The following TNNI3K variants were observed in gnomAD, a reference collection of about 807,000 sequenced individuals.
TNNI3K encodes serine/threonine-protein kinase TNNI3K.
In TNNI3K, 140 loss-of-function variants were observed where a neutral mutation model predicts 114.5. The observed-to-expected ratio is 1.22, with a 90% confidence interval of 1.07 to 1.41. The LOEUF is 1.41. Among genes scored for constraint, TNNI3K ranks in the 40% most tolerant of loss-of-function variants. TNNI3K has a pLI of 0.00. For missense variants in TNNI3K, 1,125 were observed against 1,007.6 expected, an observed-to-expected ratio of 1.12 and a Z score of -1.58; for synonymous variants, 347 against 347.5, an observed-to-expected ratio of 1.00 and a Z score of 0.02.
At chr1:74,501,950 A>G (rs1669656025) in intron 23 of TNNI3K, among the ~76,000 whole-genome samples, 1 of 152,040 alleles carries the variant, frequency 6.6e-6, no homozygotes, top group African/African-American at 2.4e-5. Flanking sequence ...TATCCTCTGC[A>G]TATCTTTATG....
At chr1:74,523,943 G>T (rs896234334) in intron 23 of TNNI3K, among the ~76,000 whole-genome samples, 1 of 151,720 alleles carries the variant, frequency 6.6e-6, no homozygotes, top group Non-Finnish European at 1.5e-5. Context: ...CCCCCGACAG[G>T]CCCCAGTGTG....
chr1:74,408,902 T>G (rs984906406), intron 17 of TNNI3K, among the ~76,000 whole-genome samples: 4 of 151,928 alleles, frequency 2.6e-5, no homozygotes, highest in African/African-American at 9.7e-5. Context: ...TCATCACACA[T>G]ATGCCTTAAT....
chr1:74,528,696 C>G (rs1646540262), intron 23 of TNNI3K, among the ~76,000 whole-genome samples: 1 of 152,154 alleles, frequency 6.6e-6, no homozygotes, highest in South Asian at 2.1e-4. Flanking sequence ...TTTGACAGAG[C>G]AAAGTCTTAA....
intron 21 of TNNI3K, among the ~76,000 whole-genome samples, chr1:74,487,490 G>A (rs771182087): frequency 2.0e-5 from 3 of 152,200 alleles, no homozygotes; most frequent in Admixed American, 6.6e-5. Context: ...ATTTTGAAGT[G>A]AGACCAGGCA....
chr1:74,327,302 A>G (rs114320362), intron 5 of TNNI3K, among the ~76,000 whole-genome samples: 1,946 of 150,546 alleles, frequency 0.013, 42 homozygotes, highest in African/African-American at 0.043. Context: ...GAGACAATTT[A>G]TAGTCCTTAT....
chr1:74,258,436 T>G (rs1655464004), intron 4 of TNNI3K, among the ~76,000 whole-genome samples: 1 of 152,228 alleles, frequency 6.6e-6, no homozygotes, highest in Non-Finnish European at 1.5e-5. Context: ...ATTGTGTGAC[T>G]TGCTTTATAT....
rs1234711047 is a variant in TNNI3K, at chr1:74,399,156, T to TAA, written c.1772+28786_1772+28787dup. On this transcript the variant is annotated intron_variant, in intron 17 of 24. Coordinates refer to ENST00000326637, the MANE Select transcript of TNNI3K (RefSeq NM_015978.3). ...CCTGGGCAACAAGAGCAAAACCCAT[T>TAA]AAAAAAAAAAAAAAAAAAAAAAACA... 4.9e-3 allele frequency among the ~76,000 whole-genome samples: 376 copies of TAA among 76,692 alleles called. 3 individuals are homozygous for TAA. The highest frequency in any genetic ancestry group is 0.012 in the African/African-American group (245 of 20,646). 50.3% of individuals were successfully genotyped at this position (76,692 alleles called of 152,430 possible). A position where few individuals can be genotyped will look rare whatever the true frequency, so the allele number is the denominator to read the frequency against.
At chr1:74,270,427 A>T (rs1007446336) in intron 4 of TNNI3K, among the ~76,000 whole-genome samples, 6 of 151,748 alleles carry the variant, frequency 4.0e-5, no homozygotes, top group Admixed American at 4.0e-4. Flanking sequence ...TAGTTCAAGC[A>T]TATAGAGCCA....
intron 11 of TNNI3K, among the ~76,000 whole-genome samples, chr1:74,362,178 C>T (rs1177928853): frequency 6.6e-5 from 10 of 152,120 alleles, no homozygotes; most frequent in Admixed American, 6.6e-4. Context: ...AAGCCACCCT[C>T]TGATTCCACT....
At chr1:74,360,489 C>T (rs1163388681) in intron 11 of TNNI3K, among the ~76,000 whole-genome samples, 5 of 152,058 alleles carry the variant, frequency 3.3e-5, no homozygotes, top group Non-Finnish European at 7.4e-5. Context: ...AAATACTTCA[C>T]ATATATTAAC....
chr1:74,398,536 T>C (rs1409377462), intron 17 of TNNI3K, among the ~76,000 whole-genome samples: 2 of 152,184 alleles, frequency 1.3e-5, no homozygotes, highest in Non-Finnish European at 2.9e-5. Flanking sequence ...AGCATTCAAG[T>C]AGATTTTACA....
intron 17 of TNNI3K, among the ~76,000 whole-genome samples, chr1:74,393,364 T>A (rs1026116553): frequency 6.6e-6 from 1 of 151,736 alleles, no homozygotes; most frequent in Admixed American, 6.6e-5. Context: ...CCATATAATT[T>A]AAAAAAAAGG....
chr1:74,390,798 G>A (rs1026798432), intron 17 of TNNI3K, among the ~76,000 whole-genome samples: 11 of 152,086 alleles, frequency 7.2e-5, no homozygotes, highest in Admixed American at 3.3e-4. Context: ...AATTTTGATT[G>A]TTGGTTATGA....
At chr1:74,391,964 T>TTA (rs1392403992) in intron 17 of TNNI3K, among the ~76,000 whole-genome samples, 10 of 134,290 alleles carry the variant, frequency 7.4e-5, no homozygotes, top group African/African-American at 2.6e-4. Context: ...ATTATTTTTT[T>TTA]TTTTTTTTTT....
chr1:74,449,683 T>C (rs1309660084), intron 20 of TNNI3K, among the ~76,000 whole-genome samples: 1 of 151,380 alleles, frequency 6.6e-6, no homozygotes, highest in Non-Finnish European at 1.5e-5. Flanking sequence ...GGTAAAGGGA[T>C]CAATTCAACA....
chr1:74,379,490 G>A (rs901593693), intron 17 of TNNI3K, among the ~76,000 whole-genome samples: 87 of 152,056 alleles, frequency 5.7e-4, no homozygotes, highest in African/African-American at 2.0e-3. Flanking sequence ...TTTATGAGCT[G>A]CACTCAGTTG....
At chr1:74,490,339 G>T (rs1438238169) in intron 22 of TNNI3K, among the ~76,000 whole-genome samples, 2 of 152,162 alleles carry the variant, frequency 1.3e-5, no homozygotes, top group African/African-American at 4.8e-5. Context: ...GAAGCCTTGG[G>T]TATTAAGAGA....
intron 20 of TNNI3K, among the ~76,000 whole-genome samples, chr1:74,444,264 T>A (rs1276483939): frequency 6.6e-6 from 1 of 152,162 alleles, no homozygotes; most frequent in Non-Finnish European, 1.5e-5. Flanking sequence ...GAAGACCACA[T>A]TGTCTCAGTC....
chr1:74,510,503 G>T (rs908394752), intron 23 of TNNI3K, among the ~76,000 whole-genome samples: 1 of 152,012 alleles, frequency 6.6e-6, no homozygotes, highest in Non-Finnish European at 1.5e-5. Context: ...GTGAGACTCC[G>T]TCTCAAAAAA....
Sources: allele counts gnomAD v4.1 joint callset (sites outside exome capture counted in the v4.1 genomes callset), GRCh38; gene constraint gnomAD v4.1.1; transcripts MANE v1.5; gene names NCBI Gene and HGNC (gene_info 2026-07-23, HGNC 2026-07-21).